Variants in AMDHD1 observed in about 807,000 individuals in gnomAD.
AMDHD1 encodes the protein amidohydrolase domain containing 1.
A neutral mutation model predicts 44.1 loss-of-function variants in AMDHD1; 45 were observed. The observed-to-expected ratio is 1.02, with a 90% CI of 0.80 to 1.31. The LOEUF (loss-of-function observed/expected upper bound fraction) is 1.31, where lower values mean the gene tolerates loss of function less well. Among genes scored for constraint, AMDHD1 ranks in the 50% most tolerant of loss-of-function variants. The pLI, the probability that AMDHD1 is intolerant of heterozygous loss-of-function variation, is 0.00. For synonymous variants in AMDHD1, 206 were observed against 205.0 expected, an observed-to-expected ratio of 1.00 and a Z score of -0.04; for missense variants, 586 against 552.1, an observed-to-expected ratio of 1.06 and a Z score of -0.61.
chr12:95,960,625 T>G lies in AMDHD1; in HGVS notation c.813+2T>G. The G allele has an allele frequency of 6.2e-7, 1 of 1,609,840 alleles. No homozygotes were observed. Among genetic ancestry groups the G allele is most frequent in the Non-Finnish European group, 8.5e-7 (1 of 1,177,204 alleles). On this transcript the variant is annotated splice_donor_variant, in intron 5 of 8. Transcript: ENST00000266736. LOFTEE classifies it high-confidence loss of function. ...CTCCACCCGATGAAGGCTGCTGAGG[T>G]GTGGTTGACTTTTAGTTTTTCCCTC...
In AMDHD1 at chr12:95,967,992, G is replaced by A; in HGVS notation, c.*149G>A. 1.6e-5 allele frequency: 9 copies of A among 547,048 alleles called. No individual in the cohort carries two copies. Among genetic ancestry groups the A allele is most frequent in the East Asian group, 6.8e-5 (2 of 29,302 alleles). The allele number at this position is 547,048 out of a possible 1,614,324, so 33.9% of individuals were successfully genotyped here. A position where few individuals can be genotyped will look rare whatever the true frequency, so the allele number is the denominator to read the frequency against. ...TTTTAAGTCACTCAAAAAACCCAAG[G>A]GATAGATTTATTTTCATTTAACACA... On this transcript the variant is annotated 3_prime_UTR_variant, in exon 9 of 9. Coordinates refer to ENST00000266736, the MANE Select transcript of AMDHD1 (RefSeq NM_152435.3).
chr12:95,944,327 T>TTTCA (rs2080482788), intron 1 of AMDHD1, among the ~76,000 whole-genome samples: 1 of 141,574 alleles, frequency 7.1e-6, no homozygotes, highest in African/African-American at 2.7e-5. Flanking sequence ...GTTGGTTTAA[T>TTTCA]TTTATTTATT....
chr12:95,966,974 G>A (rs1430276761), intron 8 of AMDHD1, among the ~76,000 whole-genome samples: 1 of 152,140 alleles, frequency 6.6e-6, no homozygotes, highest in Non-Finnish European at 1.5e-5. Flanking sequence ...TTGCCACCTG[G>A]GCCTCCAGTG....
Position 95,967,897 on chromosome 12 carries a change from T to A in AMDHD1, c.*54T>A. ...TATATGAAATAAGTCAATATAGTTA[T>A]ATTAAAAGTTAAAACACCTTAATAT... is the stretch of plus-strand genomic sequence containing the variant. On this transcript the variant is annotated 3_prime_UTR_variant, in exon 9 of 9. Transcript: ENST00000266736. The A allele has an allele frequency of 1.7e-6, 2 of 1,185,194 alleles. No individual in the cohort carries two copies. Among genetic ancestry groups the A allele is most frequent in the Non-Finnish European group, 2.4e-6 (2 of 840,920 alleles). 73.4% of individuals were successfully genotyped at this position (1,185,194 alleles called of 1,614,324 possible).
chr12:95,950,016 T>C (rs1592821589), intron 1 of AMDHD1, among the ~76,000 whole-genome samples: 1 of 152,222 alleles, frequency 6.6e-6, no homozygotes, highest in Non-Finnish European at 1.5e-5. Context: ...CGGAGAATGT[T>C]AGAGATTTAT....
At chr12:95,955,366 T>C (rs1036026980) in intron 3 of AMDHD1, among the ~76,000 whole-genome samples, 1 of 152,200 alleles carries the variant, frequency 6.6e-6, no homozygotes, top group African/African-American at 2.4e-5. Context: ...CTGAGACTTA[T>C]TAAGAATCAC....
chr12:95,960,526 A>G lies in AMDHD1; in HGVS notation c.716A>G (p.Asp239Gly). Residue 239 changes from aspartate (D) to glycine (G), a missense_variant, in exon 5 of 9, where the codon GAT (aspartate) becomes GGT (glycine). Coordinates refer to ENST00000266736, the MANE Select transcript of AMDHD1 (RefSeq NM_152435.3). Reference sequence around the variant, plus strand: ...GTATTTTGTGAGAAAGGTGTCTTTGATCTCGATTCCACCAGAAGGATTCTT... The same window carrying G: ...GTATTTTGTGAGAAAGGTGTCTTTGGTCTCGATTCCACCAGAAGGATTCTT... ...IDVFCEKGVF[D>G]LDSTRRILQR... The G allele has an allele frequency of 6.2e-7, 1 of 1,614,234 alleles. No homozygotes were observed. The highest frequency in any genetic ancestry group is 8.5e-7 in the Non-Finnish European group (1 of 1,180,040).
At chr12:95,964,548 G>A (rs142468615) in intron 6 of AMDHD1, among the ~76,000 whole-genome samples, 1,893 of 152,038 alleles carry the variant, frequency 0.012, 45 homozygotes, top group African/African-American at 0.042. Context: ...TGACTTGCAG[G>A]GACATTTGAA....
rs748912127 is a variant in AMDHD1, at chr12:95,960,480, A to G, written c.670A>G (p.Ile224Val). Residue 224 changes from isoleucine to valine, a missense_variant, in exon 5 of 9, where the codon ATA becomes GTA. Physicochemically the swap from Ile to Val is conservative, Grantham distance 29. Transcript: ENST00000266736. The part of the protein sequence containing the change: ...KLKELGRNGE[I>V]HVDNIDVFCE... ...GAAGGAACTTGGCAGAAATGGGGAA[A>G]TACACGTGGACAATATAGACGTATT... 1.2e-6 allele frequency: 2 copies of G among 1,614,140 alleles called. No individual in the cohort carries two copies. Among genetic ancestry groups the G allele is most frequent in the African/African-American group, 2.7e-5 (2 of 74,942 alleles).
At position 95,960,599 on chromosome 12, in the gene AMDHD1, A is replaced by ACTC; in HGVS notation, c.791_793dup (p.Leu264dup). ...TACAGATTAACTTCCATGGGGATGA[A>ACTC]CTCCACCCGATGAAGGCTGCTGAGG... On this transcript the variant is annotated inframe_insertion, in exon 5 of 9. Coordinates refer to ENST00000266736, the MANE Select transcript of AMDHD1 (RefSeq NM_152435.3). The ACTC allele has an allele frequency of 6.2e-7, 1 of 1,613,998 alleles. No homozygotes were observed. Among genetic ancestry groups the ACTC allele is most frequent in the Non-Finnish European group, 8.5e-7 (1 of 1,179,964 alleles).
In AMDHD1 at chr12:95,962,401, T is replaced by C. The variant is rs1297923694; in HGVS notation, c.860T>C (p.Val287Ala). 5 of 1,613,770 alleles carry C rather than the reference T, an allele frequency of 3.1e-6. No individual in the cohort carries two copies. Among genetic ancestry groups the C allele is most frequent in the Admixed American group, 1.7e-5 (1 of 59,976 alleles). ...CAGGCAATCAGCCACCTGGAAGAAG[T>C]GAGTGATGAAGGCATCGTTGCCATG... ...GAQAISHLEE[V>A]SDEGIVAMAT... is the part of the protein sequence containing the mutation. Residue 287 changes from valine to alanine, a missense_variant, in exon 6 of 9, where the codon GTG becomes GCG. Coordinates refer to ENST00000266736, the MANE Select transcript of AMDHD1 (RefSeq NM_152435.3).
chr12:95,955,659 C>T (rs1334014491), intron 3 of AMDHD1, among the ~76,000 whole-genome samples: 1 of 152,186 alleles, frequency 6.6e-6, no homozygotes, highest in Non-Finnish European at 1.5e-5. Context: ...AAGAGATTTA[C>T]AGTCCAATCC....
At chr12:95,943,989 A>G (rs961459367) in intron 1 of AMDHD1, among the ~76,000 whole-genome samples, 24 of 152,220 alleles carry the variant, frequency 1.6e-4, no homozygotes, top group African/African-American at 4.8e-4. Flanking sequence ...TTTCAAAAGT[A>G]CCTTTCACAT....
intron 1 of AMDHD1, among the ~76,000 whole-genome samples, chr12:95,952,451 C>T (rs1314691929): frequency 6.6e-6 from 1 of 152,120 alleles, no homozygotes; most frequent in Non-Finnish European, 1.5e-5. Context: ...CTTTTGGTTA[C>T]TATAGTTCTG....
intron 4 of AMDHD1, among the ~76,000 whole-genome samples, chr12:95,959,754 G>C (rs570432300): frequency 6.6e-6 from 1 of 150,748 alleles, no homozygotes; most frequent in East Asian, 2.0e-4. Flanking sequence ...GGAGTATCCA[G>C]GATGCCCTCT....
chr12:95,962,225 T>C, intron 5 of AMDHD1, 130 bp from the exon 6 acceptor site: 1 of 1,318,360 alleles, frequency 7.6e-7, no homozygotes, highest in Non-Finnish European at 1.0e-6. Flanking sequence ...GAGATTGCAC[T>C]ACTGCACCCA....
At chr12:95,960,038 C>T (rs926637451) in intron 4 of AMDHD1, among the ~76,000 whole-genome samples, 5 of 152,204 alleles carry the variant, frequency 3.3e-5, no homozygotes, top group Middle Eastern at 3.4e-3. Flanking sequence ...CTGCCCATCT[C>T]GGCCTCCCAA....
chr12:95,953,879 C>A (rs568789365), intron 2 of AMDHD1, among the ~76,000 whole-genome samples: 1 of 152,140 alleles, frequency 6.6e-6, no homozygotes, highest in African/African-American at 2.4e-5. Context: ...CCACGCCCGG[C>A]CTTCCTTATG....
Position 95,956,838 on chromosome 12 carries a change from T to C in AMDHD1, c.463T>C (p.Cys155Arg). 1 of 1,614,018 alleles carries C rather than the reference T, an allele frequency of 6.2e-7. No homozygotes were observed. The highest frequency in any genetic ancestry group is 8.5e-7 in the Non-Finnish European group (1 of 1,179,950). Residue 155 changes from cysteine (C) to arginine (R), a missense_variant, in exon 4 of 9, where the codon TGC becomes CGC. Transcript: ENST00000266736. Reference protein sequence around the residue: ...MMRAGTTLVECKSGYGLDLET... With the variant: ...MMRAGTTLVERKSGYGLDLET... ...GAGGGCTGGCACCACGCTGGTGGAG[T>C]GCAAGAGTGGATATGGCCTCGACCT...
Sources: gnomAD v4.1 joint callset for allele counts (sites outside exome capture counted in the v4.1 genomes callset) on GRCh38, gnomAD v4.1.1 for gene constraint, MANE v1.5 for transcripts, NCBI Gene and HGNC (gene_info 2026-07-23, HGNC 2026-07-21) for gene names.